ABCD2: variants seen among roughly 807,000 people sequenced by gnomAD.
The protein encoded by ABCD2 is ATP binding cassette subfamily D member 2.
Under a neutral mutation model 70.9 loss-of-function variants are expected in ABCD2, and 36 were observed. The observed-to-expected ratio is 0.51, with a 90% CI of 0.39 to 0.67. ABCD2 has a LOEUF of 0.67. Among genes scored for constraint, ABCD2 ranks in the 30% least tolerant of loss-of-function variants. ABCD2 has a pLI of 0.00. For synonymous variants in ABCD2, 304 were observed against 306.9 expected (o/e 0.99, Z 0.10); for missense variants, 729 against 890.2 (o/e 0.82, Z 2.30).
intron 9 of ABCD2, among the ~76,000 whole-genome samples, chr12:39,573,031 C>T (rs1418846970): frequency 6.6e-6 from 1 of 152,102 alleles, no homozygotes; most frequent in Non-Finnish European, 1.5e-5. Flanking sequence ...TTCTAGTTCT[C>T]AGTTTCTTCA....
chr12:39,599,577 C>CTAT (rs761650711), intron 6 of ABCD2, among the ~76,000 whole-genome samples: 2 of 152,164 alleles, frequency 1.3e-5, no homozygotes, highest in East Asian at 3.9e-4. Context: ...CTTCATTCTC[C>CTAT]TATATTCCAG....
chr12:39,600,777 CTAAAAG>C (rs1941886434), intron 5 of ABCD2, 61 bp from the exon 6 acceptor site: 1 of 1,414,064 alleles, frequency 7.1e-7, no homozygotes, highest in South Asian at 1.3e-5. Context: ...TTGGCAGCAC[CTAAAAG>C]TAAATTATTT....
chr12:39,593,654 C>T (rs1313408015), intron 6 of ABCD2, among the ~76,000 whole-genome samples: 1 of 152,136 alleles, frequency 6.6e-6, no homozygotes, highest in Non-Finnish European at 1.5e-5. Flanking sequence ...CCTTCAAGCC[C>T]TTTCTGCAGA....
At chr12:39,559,909 G>A (rs975825326) in intron 9 of ABCD2, among the ~76,000 whole-genome samples, 2 of 152,144 alleles carry the variant, frequency 1.3e-5, no homozygotes, top group African/African-American at 2.4e-5. Flanking sequence ...ATGCTAATGG[G>A]TAATAAGAAA....
At chr12:39,549,415 G>A (rs12578379), downstream of ABCD2, among the ~76,000 whole-genome samples, 3 of 151,796 alleles carry the variant, frequency 2.0e-5, no homozygotes, top group Non-Finnish European at 4.4e-5. Flanking sequence ...TATTTCATGA[G>A]GGCTCTGACA....
chr12:39,574,732 C>G (rs1941493212), intron 8 of ABCD2, among the ~76,000 whole-genome samples: 1 of 151,910 alleles, frequency 6.6e-6, no homozygotes, highest in South Asian at 2.1e-4. Context: ...GGACAATTTT[C>G]TTTACAAAAA....
At chr12:39,533,948 G>A in the ABCD2 span, among the ~76,000 whole-genome samples, 3 of 152,292 alleles carry the variant, frequency 2.0e-5, no homozygotes, top group East Asian at 1.9e-4. Context: ...GAATCTCAAC[G>A]AAAGTGATAA....
At chr12:39,544,369 C>T in the ABCD2 span, among the ~76,000 whole-genome samples, 1 of 152,156 alleles carries the variant, frequency 6.6e-6, no homozygotes. Context: ...CCTCCAGCTA[C>T]ATGACTCGTA....
chr12:39,599,968 T>A (rs1014584951), intron 6 of ABCD2, among the ~76,000 whole-genome samples: 2 of 152,218 alleles, frequency 1.3e-5, no homozygotes, highest in Non-Finnish European at 2.9e-5. Flanking sequence ...AAATTCTTAG[T>A]GTATAACTTT....
intron 9 of ABCD2, among the ~76,000 whole-genome samples, chr12:39,568,433 G>A (rs964550679): frequency 6.6e-6 from 1 of 152,070 alleles, no homozygotes; most frequent in African/African-American, 2.4e-5. Flanking sequence ...ACTGAGGCTT[G>A]TGCATTCACC....
chr12:39,566,315 T>C (rs1440952238), intron 9 of ABCD2, among the ~76,000 whole-genome samples: 1 of 152,212 alleles, frequency 6.6e-6, no homozygotes, highest in Non-Finnish European at 1.5e-5. Context: ...GAGCCTGTTA[T>C]TGGTTTATTC....
At chr12:39,542,862 C>T in the ABCD2 span, among the ~76,000 whole-genome samples, 4 of 152,076 alleles carry the variant, frequency 2.6e-5, no homozygotes, top group African/African-American at 9.7e-5. Flanking sequence ...GAGGGGAGGA[C>T]TGGGCTTGTT....
At position 39,586,163 on chromosome 12, in the gene ABCD2, T is replaced by A; in HGVS notation, c.1781A>T (p.Gln594Leu). 6.2e-7 allele frequency: 1 copy of A among 1,610,228 alleles called. No homozygotes were observed. The highest frequency in any genetic ancestry group is 1.1e-5 in the South Asian group (1 of 90,046). The part of the protein sequence containing the change: ...LHNVHLYHIV[Q>L]REGGWDAVMD... The stretch of plus-strand genomic sequence containing the variant: ...ATGATAGACTTTACCTCCTTCTCTT[T>A]GAACTATGTGATAGAGATGGACATT... Residue 594 changes from glutamine to leucine, a missense_variant, in exon 7 of 10, where the codon CAA (glutamine) becomes CTA (leucine). Gln to Leu is a moderately radical substitution (Grantham distance 113). Coordinates refer to ENST00000308666, the MANE Select transcript of ABCD2 (RefSeq NM_005164.4).
At chr12:39,548,613 TC>T (rs1231105723), downstream of ABCD2, among the ~76,000 whole-genome samples, 1 of 151,920 alleles carries the variant, frequency 6.6e-6, no homozygotes, top group Non-Finnish European at 1.5e-5. Flanking sequence ...CCCAGGTGAG[TC>T]ATCAGAAAAT....
chr12:39,579,262 T>G (rs2120613517), intron 8 of ABCD2, among the ~76,000 whole-genome samples: 1 of 152,338 alleles, frequency 6.6e-6, no homozygotes, highest in East Asian at 1.9e-4. Flanking sequence ...CTTGGGAGGC[T>G]GAGACAGGAG....
chr12:39,573,831 C>A lies in ABCD2; in HGVS notation c.1888G>T (p.Ala630Ser), dbSNP rs1941480752. ...GCACTGGTACATTCATCCAGCAAGG[C>A]ATATTTTGGTCTTTTAAAAAGTACA... ...ARMFYHKPKY[A>S]LLDECTSAVS... The change falls in exon 9 of 10, where the codon GCC becomes TCC. Residue 630 changes from alanine (A) to serine (S), a missense_variant. By Grantham distance (99) the Ala-to-Ser change is moderately conservative (BLOSUM62 1). Coordinates refer to ENST00000308666, the MANE Select transcript of ABCD2 (RefSeq NM_005164.4). The A allele has an allele frequency of 1.2e-6, 2 of 1,610,390 alleles. No homozygotes were observed.
At chr12:39,589,677 G>A (rs983923471) in intron 6 of ABCD2, among the ~76,000 whole-genome samples, 3 of 151,956 alleles carry the variant, frequency 2.0e-5, no homozygotes, top group South Asian at 2.1e-4. Context: ...GTGAGCCACC[G>A]CACCCAGCCC....
chr12:39,617,240 T>A, intron 1 of ABCD2, 72 bp from the exon 2 acceptor site: 1 of 984,570 alleles, frequency 1.0e-6, no homozygotes, highest in Non-Finnish European at 1.4e-6. Context: ...TTTTTTAGTA[T>A]GGCATTATCT....
At chr12:39,598,553 A>G (rs1941852212) in intron 6 of ABCD2, among the ~76,000 whole-genome samples, 1 of 151,992 alleles carries the variant, frequency 6.6e-6, no homozygotes, top group Non-Finnish European at 1.5e-5. Context: ...GGCACGCACC[A>G]CCACACCCGG....
Sources: gnomAD v4.1 joint callset for allele counts (sites outside exome capture counted in the v4.1 genomes callset) on GRCh38, gnomAD v4.1.1 for gene constraint, MANE v1.5 for transcripts, NCBI Gene and HGNC (gene_info 2026-07-23, HGNC 2026-07-21) for gene names.